The following ARPP21 variants were observed in gnomAD, a reference collection of about 807,000 sequenced individuals.
ARPP21 encodes the protein cAMP regulated phosphoprotein 21, also known as cAMP-regulated phosphoprotein 21.
ARPP21 carries 69 observed loss-of-function variants against 113.2 expected under a neutral mutation model. The ratio of observed to expected loss-of-function variants is 0.61; its 90% CI spans 0.50 to 0.74. The LOEUF (loss-of-function observed/expected upper bound fraction) is 0.74, where lower values mean the gene tolerates loss of function less well. ARPP21 is among the 30% of genes least tolerant of loss of function. The pLI is 0.00. For missense variants in ARPP21, 1,070 were observed against 1,037.4 expected (o/e 1.03, Z -0.43); for synonymous variants, 368 against 375.5 (o/e 0.98, Z 0.23).
At chr3:35,725,397 A>G (rs1201531859) in intron 14 of ARPP21, among the ~76,000 whole-genome samples, 1 of 152,142 alleles carries the variant, frequency 6.6e-6, no homozygotes, top group East Asian at 1.9e-4. Flanking sequence ...AACCAGTGAA[A>G]AGTTTGGTCA....
intron 11 of ARPP21, among the ~76,000 whole-genome samples, chr3:35,713,179 A>G (rs2091682034): frequency 6.6e-6 from 1 of 152,312 alleles, no homozygotes; most frequent in East Asian, 1.9e-4. Context: ...ACAGCTTTGA[A>G]TGTTGCACTT....
At chr3:35,668,014 G>GAAGAAGAAGAAGAAGAAGAAGAAGAAA (rs1559550166) in intron 1 of ARPP21, among the ~76,000 whole-genome samples, 37 of 149,850 alleles carry the variant, frequency 2.5e-4, no homozygotes, top group African/African-American at 9.0e-4. Context: ...AGAAGAAGAA[G>GAAGAAGAAGAAGAAGAAGAAGAAGAAA]AAGAAGAAGA....
At chr3:35,792,176 G>A in intron 19 of ARPP21, 1 of 564,916 alleles carries the variant, frequency 1.8e-6, no homozygotes, top group Non-Finnish European at 3.2e-6. Context: ...AGAAATGTCA[G>A]TGAATTTTTA....
intron 19 of ARPP21, among the ~76,000 whole-genome samples, chr3:35,783,787 A>G (rs919339496): frequency 1.3e-5 from 2 of 152,052 alleles, no homozygotes; most frequent in South Asian, 2.1e-4. Context: ...TCTATCCTCT[A>G]CTTCCTCTGC....
intron 1 of ARPP21, among the ~76,000 whole-genome samples, chr3:35,657,513 A>G (rs938541558): frequency 2.0e-5 from 3 of 152,122 alleles, no homozygotes; most frequent in African/African-American, 7.2e-5. Flanking sequence ...ACTCTGTGTG[A>G]AGTACTTTTC....
At chr3:35,690,535 A>G (rs1408287795) in intron 8 of ARPP21, among the ~76,000 whole-genome samples, 5 of 151,682 alleles carry the variant, frequency 3.3e-5, no homozygotes, top group East Asian at 3.9e-4. Context: ...GACATCTGCA[A>G]TCACGTATTA....
chr3:35,664,078 A>G (rs529908430), intron 1 of ARPP21, among the ~76,000 whole-genome samples: 1 of 152,344 alleles, frequency 6.6e-6, no homozygotes, highest in Non-Finnish European at 1.5e-5. Flanking sequence ...TATCTTCAAA[A>G]AAGCTTGCAG....
chr3:35,784,317 C>T (rs1389718758), intron 19 of ARPP21, among the ~76,000 whole-genome samples: 2 of 152,174 alleles, frequency 1.3e-5, no homozygotes, highest in Non-Finnish European at 2.9e-5. Flanking sequence ...TGTTTAAAAA[C>T]CAGGAATCTT....
chr3:35,788,550 G>A (rs887011374), intron 19 of ARPP21, among the ~76,000 whole-genome samples: 1 of 151,984 alleles, frequency 6.6e-6, no homozygotes, highest in Admixed American at 6.6e-5. Flanking sequence ...TCAGTATACC[G>A]CCTTCCCTGT....
At chr3:35,773,721 C>T (rs1356082897) in intron 19 of ARPP21, among the ~76,000 whole-genome samples, 1 of 152,130 alleles carries the variant, frequency 6.6e-6, no homozygotes, top group Non-Finnish European at 1.5e-5. Flanking sequence ...TGTAAGCTTT[C>T]CAAGGGCCCT....
chr3:35,748,284 G>GAGGA (rs200253468), intron 19 of ARPP21, among the ~76,000 whole-genome samples: 66 of 116,366 alleles, frequency 5.7e-4, no homozygotes, highest in East Asian at 2.4e-3. Context: ...GAAAGAAAAG[G>GAGGA]AGGAAGGAAG....
intron 1 of ARPP21, among the ~76,000 whole-genome samples, chr3:35,673,736 G>A (rs532963123): frequency 3.9e-5 from 6 of 151,958 alleles, no homozygotes; most frequent in South Asian, 2.1e-4. Context: ...TTTGAGAAAG[G>A]TTTTAATAAC....
In ARPP21 at chr3:35,676,634, C is replaced by T. The variant is rs1215145905; in HGVS notation, c.-212-3153C>T. Among the ~76,000 whole-genome samples, 6 of 151,716 alleles carry T rather than the reference C, an allele frequency of 4.0e-5. No individual in the cohort carries two copies. In the South Asian group the frequency reaches 6.2e-4, roughly 16 times the overall value. On this transcript the variant is annotated intron_variant, in intron 1 of 20. Transcript: ENST00000684406. ...TGAGTGTTTCTTATACACTATTGAA[C>T]GATTGCATTTTGGGTGTGTAATTAA...
At chr3:35,673,961 T>A (rs1367127637) in intron 1 of ARPP21, among the ~76,000 whole-genome samples, 1 of 151,980 alleles carries the variant, frequency 6.6e-6, no homozygotes, top group Non-Finnish European at 1.5e-5. Context: ...TTGAACCCTT[T>A]AAACCAGAAT....
intron 19 of ARPP21, among the ~76,000 whole-genome samples, chr3:35,746,698 T>G (rs569696807): frequency 6.6e-6 from 1 of 152,354 alleles, no homozygotes; most frequent in East Asian, 1.9e-4. Flanking sequence ...GACAGAATTA[T>G]GTCAGTTAAA....
At chr3:35,778,815 T>G (rs1559938068) in intron 19 of ARPP21, among the ~76,000 whole-genome samples, 1 of 152,188 alleles carries the variant, frequency 6.6e-6, no homozygotes, top group South Asian at 2.1e-4. Flanking sequence ...GATACCCACT[T>G]CACAAAGCAC....
upstream of ARPP21, chr3:35,639,076 C>G (rs1315276938): frequency 6.6e-6 from 1 of 152,330 alleles, no homozygotes; most frequent in African/African-American, 2.4e-5. The surrounding 1 kb of genome is among the most constrained non-coding windows in gnomAD (Gnocchi z 5.0). Flanking sequence ...AGAATACATG[C>G]CTGCTCGCTG....
chr3:35,652,224 T>C (rs1035332778), intron 1 of ARPP21, among the ~76,000 whole-genome samples: 6 of 152,074 alleles, frequency 3.9e-5, no homozygotes, highest in Non-Finnish European at 7.4e-5. Context: ...AGTAATACTG[T>C]AGAGAGTTTA....
intron 1 of ARPP21, among the ~76,000 whole-genome samples, chr3:35,651,049 T>C (rs1281339473): frequency 6.6e-6 from 1 of 152,110 alleles, no homozygotes; most frequent in Non-Finnish European, 1.5e-5. Flanking sequence ...AATGATAAAA[T>C]ATTATAAAAT....
Sources: allele counts gnomAD v4.1 joint callset (sites outside exome capture counted in the v4.1 genomes callset), GRCh38; gene constraint gnomAD v4.1.1; non-coding constraint Gnocchi (gnomAD v3.1); transcripts MANE v1.5; gene names NCBI Gene and HGNC (gene_info 2026-07-23, HGNC 2026-07-21).